CCNH: variants seen among roughly 807,000 people sequenced by gnomAD.
CCNH encodes the protein cyclin-H.
A neutral mutation model predicts 41.9 loss-of-function variants in CCNH; 31 were observed. The ratio of observed to expected loss-of-function variants is 0.74; its 90% CI spans 0.56 to 1.00. The LOEUF (loss-of-function observed/expected upper bound fraction) is 1.00, where lower values mean the gene tolerates loss of function less well. Among genes scored for constraint, CCNH ranks in the 50% least tolerant of loss-of-function variants. CCNH has a pLI of 0.00. For missense variants in CCNH, 362 were observed against 388.4 expected, an observed-to-expected ratio of 0.93 and a Z score of 0.57; for synonymous variants, 138 against 136.1, an observed-to-expected ratio of 1.01 and a Z score of -0.10.
intron 9 of CCNH, among the ~76,000 whole-genome samples, chr5:87,359,393 AC>A (rs200003699): frequency 0.011 from 1,654 of 152,332 alleles, 10 homozygotes; most frequent in Middle Eastern, 0.027. Flanking sequence ...CCTCTCATTG[AC>A]TAGGACTTGA....
chr5:87,384,543 AGTG>A (rs1761938404), intron 9 of CCNH, among the ~76,000 whole-genome samples: 1 of 152,116 alleles, frequency 6.6e-6, no homozygotes, highest in African/African-American at 2.4e-5. Flanking sequence ...TTGCTACTAA[AGTG>A]GTTAAATCTA....
chr5:87,321,207 A>T (rs951294281), intron 9 of CCNH, among the ~76,000 whole-genome samples: 1 of 152,192 alleles, frequency 6.6e-6, no homozygotes, highest in African/African-American at 2.4e-5. Flanking sequence ...GTCTAGGAAG[A>T]TAAGAAGTGT....
chr5:87,389,724 A>G (rs1026383663), downstream of CCNH, among the ~76,000 whole-genome samples: 2 of 152,254 alleles, frequency 1.3e-5, no homozygotes, highest in Non-Finnish European at 2.9e-5. Flanking sequence ...ACTGAAAAAC[A>G]TCAGGTTTTG....
At chr5:87,398,200 A>G (rs887182610) in intron 7 of CCNH, among the ~76,000 whole-genome samples, 3 of 152,226 alleles carry the variant, frequency 2.0e-5, no homozygotes, top group African/African-American at 7.2e-5. Flanking sequence ...ACCTATAACT[A>G]TAATAAAACA....
chr5:87,372,066 GA>G (rs1760990012), downstream of CCNH: 1 of 1,506,682 alleles, frequency 6.6e-7, no homozygotes, highest in Admixed American at 2.0e-5. Flanking sequence ...TGATGATTTG[GA>G]AGCCAAATAA....
downstream of CCNH, among the ~76,000 whole-genome samples, chr5:87,393,147 G>T (rs1762643011): frequency 6.6e-6 from 1 of 151,806 alleles, no homozygotes; most frequent in Non-Finnish European, 1.5e-5. Context: ...TATGCATATA[G>T]TAAGTATTGC....
chr5:87,360,373 C>T (rs1207154216), intron 9 of CCNH, among the ~76,000 whole-genome samples: 1 of 152,146 alleles, frequency 6.6e-6, no homozygotes, highest in African/African-American at 2.4e-5. Flanking sequence ...ATGTGCCCGC[C>T]TCGGCCTCCT....
In CCNH at chr5:87,365,801, T is replaced by C. The variant is rs577709804; in HGVS notation, c.*90+26969A>G. On this transcript the variant is annotated intron_variant and NMD_transcript_variant, in intron 9 of 9. Coordinates refer to the CCNH transcript ENST00000645953. The stretch of plus-strand genomic sequence containing the variant: ...ATACTTTGAAACAAAGAAGGTCCTA[T>C]GGAAATGCTAGTTAAGTTTATGACT... 1.8e-3 allele frequency among the ~76,000 whole-genome samples: 272 copies of C among 152,190 alleles called. 2 individuals carry two copies. The highest frequency in any genetic ancestry group is 0.016 in the South Asian group (79 of 4,824).
At position 87,399,525 on chromosome 5, in the gene CCNH, G is replaced by T; in HGVS notation, c.761-20C>A. 2 of 1,516,768 alleles carry T rather than the reference G, an allele frequency of 1.3e-6. No homozygotes were observed. Among genetic ancestry groups the T allele is most frequent in the Non-Finnish European group, 1.8e-6 (2 of 1,092,246 alleles). The allele number at this position is 1,516,768 out of a possible 1,614,324, so 94.0% of individuals were successfully genotyped here. Reference sequence around the variant, plus strand: ...TCATGCCTATGTGGATACAAAAAAAGAATTTAAACTGAATAAGCAAACCTC... The same window carrying T: ...TCATGCCTATGTGGATACAAAAAAATAATTTAAACTGAATAAGCAAACCTC... On this transcript the variant is annotated intron_variant, in intron 6 of 8. Transcript: ENST00000256897.
chr5:87,359,517 A>G (rs1759914275), intron 9 of CCNH, among the ~76,000 whole-genome samples: 1 of 152,182 alleles, frequency 6.6e-6, no homozygotes, highest in Non-Finnish European at 1.5e-5. Flanking sequence ...ATAGATTCCA[A>G]GATCTATATA....
rs1338464690 is a variant in CCNH, at chr5:87,382,530, G to A, written c.*90+10240C>T. Among the ~76,000 whole-genome samples, 6 of 152,212 alleles carry A rather than the reference G, an allele frequency of 3.9e-5. No homozygotes were observed. The South Asian group carries it at 1.0e-3, about 26-fold the overall frequency. On this transcript the variant is annotated intron_variant and NMD_transcript_variant, in intron 9 of 9. Transcript: ENST00000645953. ...GGAATAATGCTTGTCTTTACATGGG[G>A]CAAGTAAGAGGTTAATTATTAGTGT...
intron 9 of CCNH, among the ~76,000 whole-genome samples, chr5:87,328,562 A>G (rs1156604002): frequency 6.6e-6 from 1 of 152,198 alleles, no homozygotes; most frequent in Non-Finnish European, 1.5e-5. Context: ...GAAATGTTAT[A>G]TCTTTGTTAT....
At position 87,338,923 on chromosome 5, in the gene CCNH, T is replaced by A. The variant is rs76044956; in HGVS notation, c.*91-20026A>T. Reference sequence around the variant, plus strand: ...CATCATATAATACGTTATCATGGTATCAATTACCAGGTGCATTTTTAATAA... The same window carrying A: ...CATCATATAATACGTTATCATGGTAACAATTACCAGGTGCATTTTTAATAA... On this transcript the variant is annotated intron_variant and NMD_transcript_variant, in intron 9 of 9. Coordinates refer to the CCNH transcript ENST00000645953. Among the ~76,000 whole-genome samples the A allele has an allele frequency of 9.8e-3, 1,497 of 152,272 alleles. 9 individuals carry two copies. The highest frequency in any genetic ancestry group is 0.024 in the Middle Eastern group (7 of 294).
At chr5:87,337,561 G>C (rs758000414) in intron 9 of CCNH, among the ~76,000 whole-genome samples, 1 of 151,782 alleles carries the variant, frequency 6.6e-6, no homozygotes, top group African/African-American at 2.4e-5. Context: ...TATTTATTTT[G>C]TGTTTTGATT....
At chr5:87,395,741 G>A (rs1162685201) in intron 7 of CCNH, among the ~76,000 whole-genome samples, 1 of 152,084 alleles carries the variant, frequency 6.6e-6, no homozygotes, top group Non-Finnish European at 1.5e-5. Context: ...ATGTGGTTGA[G>A]CACCTGTAGT....
chr5:87,385,441 T>C (rs1444034089), intron 9 of CCNH: 2 of 1,341,118 alleles, frequency 1.5e-6, no homozygotes, highest in South Asian at 1.2e-5. Flanking sequence ...AAGTTTGACA[T>C]GATAAAACCA....
chr5:87,408,223 G>T, intron 3 of CCNH, 37 bp from the exon 4 acceptor site: 1 of 1,017,366 alleles, frequency 9.8e-7, no homozygotes, highest in South Asian at 1.5e-5. Flanking sequence ...GGCAGGGGGT[G>T]GGTGGGGTGG....
At chr5:87,389,340 CA>C (rs368043768), downstream of CCNH, 90 of 1,579,426 alleles carry the variant, frequency 5.7e-5, no homozygotes, top group East Asian at 2.3e-4. Flanking sequence ...TCAAAAAAAA[CA>C]AAAAAAAAGA....
At chr5:87,376,212 T>A (rs1761315855), downstream of CCNH, 1 of 685,358 alleles carries the variant, frequency 1.5e-6, no homozygotes, top group Non-Finnish European at 2.5e-6. Flanking sequence ...TATCAGAGTT[T>A]AGTGCACCGT....
Sources: allele counts gnomAD v4.1 joint callset (sites outside exome capture counted in the v4.1 genomes callset), GRCh38; gene constraint gnomAD v4.1.1; transcripts MANE v1.5; gene names NCBI Gene and HGNC (gene_info 2026-07-23, HGNC 2026-07-21).